Variants in PRKN observed in about 807,000 individuals in gnomAD.
PRKN encodes the protein E3 ubiquitin-protein ligase parkin.
Under a neutral mutation model 59.5 loss-of-function variants are expected in PRKN, and 56 were observed. The ratio of observed to expected loss-of-function variants is 0.94; its 90% CI spans 0.76 to 1.18. The LOEUF (loss-of-function observed/expected upper bound fraction) is 1.18. Among genes scored for constraint, PRKN ranks in the 50% most tolerant of loss-of-function variants. PRKN has a pLI of 0.00. For missense variants in PRKN, 657 were observed against 596.4 expected (o/e 1.10, Z -1.06); for synonymous variants, 250 against 222.1 (o/e 1.13, Z -1.12).
chr6:161,350,242 G>A, intron 11 of PRKN, 31 bp from the exon 12 acceptor site: 3 of 1,515,088 alleles, frequency 2.0e-6, no homozygotes, highest in Non-Finnish European at 2.7e-6. Flanking sequence ...AGGTGTGGTG[G>A]GTTCGCAGCA....
At chr6:162,680,449 C>A (rs1168610065) in intron 1 of PRKN, among the ~76,000 whole-genome samples, 1 of 151,568 alleles carries the variant, frequency 6.6e-6, no homozygotes. Context: ...GTCATAGAAT[C>A]CAAATCTAGC....
intron 5 of PRKN, among the ~76,000 whole-genome samples, chr6:162,006,767 G>C (rs1366544660): frequency 6.6e-6 from 1 of 152,056 alleles, no homozygotes; most frequent in East Asian, 1.9e-4. Flanking sequence ...TTCTCTTATT[G>C]TTTGCATGAT....
At chr6:162,111,761 G>T (rs1205231077) in intron 4 of PRKN, among the ~76,000 whole-genome samples, 1 of 152,018 alleles carries the variant, frequency 6.6e-6, no homozygotes, top group Non-Finnish European at 1.5e-5. Context: ...ACAACCAGAA[G>T]TTTCTGATGA....
chr6:162,544,152 C>A (rs748304165), intron 1 of PRKN, among the ~76,000 whole-genome samples: 13 of 152,222 alleles, frequency 8.5e-5, no homozygotes, highest in Middle Eastern at 3.4e-3. Context: ...ACTTTTGTTG[C>A]ATGGATAAAT....
chr6:162,201,325 T>G (rs1279183248), intron 3 of PRKN, 73 bp from the exon 4 acceptor site: 2 of 1,465,148 alleles, frequency 1.4e-6, no homozygotes, highest in African/African-American at 2.8e-5. Flanking sequence ...CTTTAAAAGC[T>G]TGTTAGAGGC....
chr6:162,006,900 C>T (rs1256139191), intron 5 of PRKN, among the ~76,000 whole-genome samples: 1 of 151,310 alleles, frequency 6.6e-6, no homozygotes, highest in Non-Finnish European at 1.5e-5. Context: ...GTCCAGTGGC[C>T]CCCTCCTTTT....
chr6:162,241,579 GA>G (rs78704260), intron 3 of PRKN, among the ~76,000 whole-genome samples: 3 of 151,852 alleles, frequency 2.0e-5, no homozygotes, highest in Non-Finnish European at 4.4e-5. Context: ...GATTTGGTGG[GA>G]AAAAAAGAAA....
chr6:162,371,346 T>A (rs1785756207), intron 2 of PRKN, among the ~76,000 whole-genome samples: 2 of 151,994 alleles, frequency 1.3e-5, no homozygotes, highest in South Asian at 4.2e-4. Flanking sequence ...ATCATCAGAG[T>A]CTCTTGGTGA....
rs554382991 is a variant in PRKN, at chr6:162,300,758, C to T, written c.172-37993G>A. On this transcript the variant is annotated intron_variant, in intron 2 of 11. Coordinates refer to ENST00000366898, the MANE Select transcript of PRKN (RefSeq NM_004562.3). Reference sequence around the variant, plus strand: ...CCAACTAACAGGCAACAGAATTGCACCAAAGCTTGAGGTCTGTAACCTGTA... The same window carrying T: ...CCAACTAACAGGCAACAGAATTGCATCAAAGCTTGAGGTCTGTAACCTGTA... 3.3e-5 allele frequency among the ~76,000 whole-genome samples: 5 copies of T among 152,246 alleles called. No individual in the cohort carries two copies. In the South Asian group the frequency reaches 1.0e-3, roughly 32 times the overall value.
At chr6:162,339,579 C>A (rs2128127651) in intron 2 of PRKN, among the ~76,000 whole-genome samples, 1 of 151,022 alleles carries the variant, frequency 6.6e-6, no homozygotes, top group South Asian at 2.1e-4. Flanking sequence ...CTCTGCCCGG[C>A]CGCCCCTACT....
At chr6:162,622,374 G>T (rs149098047) in intron 1 of PRKN, among the ~76,000 whole-genome samples, 3 of 151,660 alleles carry the variant, frequency 2.0e-5, no homozygotes. Flanking sequence ...AGTAGAGACG[G>T]GGTTTTGCAA....
intron 3 of PRKN, among the ~76,000 whole-genome samples, chr6:162,203,990 C>A (rs1212418959): frequency 6.6e-6 from 1 of 152,078 alleles, no homozygotes; most frequent in East Asian, 1.9e-4. Context: ...GTTCCCTGTG[C>A]GCGTGTGTGT....
At chr6:162,684,607 G>C (rs1024478807) in intron 1 of PRKN, among the ~76,000 whole-genome samples, 1 of 152,084 alleles carries the variant, frequency 6.6e-6, no homozygotes, top group Non-Finnish European at 1.5e-5. Flanking sequence ...GCTGATTCTC[G>C]AAACTTCTGT....
At chr6:161,944,191 C>T (rs1779697017) in intron 6 of PRKN, among the ~76,000 whole-genome samples, 1 of 152,160 alleles carries the variant, frequency 6.6e-6, no homozygotes, top group Admixed American at 6.5e-5. Context: ...TGGACTTTAT[C>T]TCACCTTCTC....
intron 2 of PRKN, among the ~76,000 whole-genome samples, chr6:162,272,190 G>A (rs1423697044): frequency 3.9e-5 from 6 of 152,170 alleles, no homozygotes; most frequent in African/African-American, 1.4e-4. Context: ...GTTTTGAAGA[G>A]CAGAGGACAG....
At chr6:161,760,670 T>C (rs1340189414) in intron 7 of PRKN, among the ~76,000 whole-genome samples, 1 of 152,156 alleles carries the variant, frequency 6.6e-6, no homozygotes, top group East Asian at 1.9e-4. Flanking sequence ...CTTGCAAGCC[T>C]GAATTTTTGT....
intron 1 of PRKN, among the ~76,000 whole-genome samples, chr6:162,669,572 A>G (rs1178084499): frequency 1.3e-5 from 2 of 152,196 alleles, no homozygotes; most frequent in African/African-American, 2.4e-5. Context: ...CCTCATACAC[A>G]GTTTCCACTT....
intron 1 of PRKN, among the ~76,000 whole-genome samples, chr6:162,705,639 G>A (rs555937932): frequency 6.6e-6 from 1 of 152,114 alleles, no homozygotes; most frequent in Non-Finnish European, 1.5e-5. Context: ...TTAAAATAAT[G>A]CATTTAATAG....
intron 11 of PRKN, among the ~76,000 whole-genome samples, chr6:161,358,479 G>A (rs1214505269): frequency 1.3e-5 from 2 of 152,098 alleles, no homozygotes; most frequent in African/African-American, 2.4e-5. Context: ...AGCTGGGTGT[G>A]TTGCGTACAC....
Sources: gnomAD v4.1 joint callset for allele counts (sites outside exome capture counted in the v4.1 genomes callset) on GRCh38, gnomAD v4.1.1 for gene constraint, MANE v1.5 for transcripts, NCBI Gene and HGNC (gene_info 2026-07-23, HGNC 2026-07-21) for gene names.